The following DGKB variants were observed in gnomAD, a reference collection of about 807,000 sequenced individuals.
DGKB encodes the protein diacylglycerol kinase beta.
In DGKB, 67 loss-of-function variants were observed where a neutral mutation model predicts 114.3. That is an observed-to-expected ratio of 0.59 (90% CI 0.48 to 0.72). The LOEUF is 0.72. Ranked by LOEUF, DGKB falls within the 30% of genes least tolerant of loss-of-function variation. The probability of loss-of-function intolerance (pLI) is 0.00; values close to 1 mark genes in which losing one functional copy is unlikely to be tolerated. For synonymous variants in DGKB, 398 were observed against 323.1 expected (o/e 1.23, Z -2.49); for missense variants, 907 against 975.2 (o/e 0.93, Z 0.93).
chr7:14,171,653 T>C (rs1053916541), intron 25 of DGKB, among the ~76,000 whole-genome samples: 7 of 152,198 alleles, frequency 4.6e-5, no homozygotes, highest in African/African-American at 7.2e-5. Context: ...TTTGAGAATA[T>C]AATGAATAAA....
chr7:14,621,277 T>C, intron 15 of DGKB, 101 bp downstream of exon 15: 2 of 691,322 alleles, frequency 2.9e-6, no homozygotes, highest in East Asian at 2.8e-5. Flanking sequence ...TAAGCTAATA[T>C]GCAGATTAAA....
chr7:14,488,382 C>T (rs1174268587), intron 20 of DGKB, among the ~76,000 whole-genome samples: 1 of 152,130 alleles, frequency 6.6e-6, no homozygotes, highest in East Asian at 1.9e-4. Context: ...AATAAACTTA[C>T]TATACACTTA....
At chr7:14,333,048 A>G (rs1810005460) in intron 23 of DGKB, among the ~76,000 whole-genome samples, 1 of 152,200 alleles carries the variant, frequency 6.6e-6, no homozygotes, top group Admixed American at 6.5e-5. Context: ...AAAGCAGTCA[A>G]CAACTTCATT....
intron 23 of DGKB, among the ~76,000 whole-genome samples, chr7:14,312,214 AC>A (rs1021542692): frequency 2.6e-5 from 4 of 152,210 alleles, no homozygotes; most frequent in African/African-American, 9.6e-5. Context: ...CAGTATAGAG[AC>A]CTGAAACATT....
intron 21 of DGKB, among the ~76,000 whole-genome samples, chr7:14,407,505 A>G (rs1030572852): frequency 3.3e-5 from 5 of 151,996 alleles, no homozygotes; most frequent in Admixed American, 6.6e-5. Context: ...GATGGAGAAG[A>G]AGCTACCTGG....
At chr7:14,523,283 A>G (rs1044921619) in intron 20 of DGKB, among the ~76,000 whole-genome samples, 1 of 152,202 alleles carries the variant, frequency 6.6e-6, no homozygotes, top group African/African-American at 2.4e-5. Context: ...TGAAGAAGGC[A>G]TCATGGAGAC....
chr7:14,296,151 A>T (rs1229799181), intron 23 of DGKB, among the ~76,000 whole-genome samples: 2 of 150,330 alleles, frequency 1.3e-5, no homozygotes, highest in African/African-American at 4.9e-5. Flanking sequence ...CCTGCCTCAG[A>T]CTCCTGAGTA....
rs1251207032 is a variant in DGKB, at chr7:14,682,780, G to A, written c.891C>T (p.Thr297=). ...VARAPPSCIK[T]YVKSKRNTDV... ...CAGTGTTCCTTTTGGACTTCACATA[G>A]GTCTTGATGCAAGAGGGAGGTGCTC... The change falls in exon 11 of 26, where the codon ACC becomes ACT. Residue 297 remains threonine (T), a synonymous_variant. Coordinates refer to ENST00000402815, the MANE Select transcript of DGKB (RefSeq NM_001350709.2). 3 of 1,610,714 alleles carry A rather than the reference G, an allele frequency of 1.9e-6. No homozygotes were observed. Among genetic ancestry groups the A allele is most frequent in the Admixed American group, 1.7e-5 (1 of 59,284 alleles).
chr7:14,878,080 G>C lies in DGKB; in HGVS notation c.-188+24512C>G, dbSNP rs1262985365. Among the ~76,000 whole-genome samples, 3 of 147,302 alleles carry C rather than the reference G, an allele frequency of 2.0e-5. No individual in the cohort carries two copies. In the South Asian group the frequency reaches 6.3e-4, roughly 31 times the overall value. Reference sequence around the variant, plus strand: ...AAACAGAAAAAAAAAAAAGCCAACAGCATTTTATCAGTGAAATATGTACAT... The same window carrying C: ...AAACAGAAAAAAAAAAAAGCCAACACCATTTTATCAGTGAAATATGTACAT... On this transcript the variant is annotated intron_variant, in intron 1 of 25. Coordinates refer to ENST00000402815, the MANE Select transcript of DGKB (RefSeq NM_001350709.2).
intron 21 of DGKB, among the ~76,000 whole-genome samples, chr7:14,397,465 T>C (rs1397683719): frequency 6.6e-6 from 1 of 152,154 alleles, no homozygotes. Context: ...AGTGAGTTCT[T>C]TTCTTCTTTA....
intron 1 of DGKB, among the ~76,000 whole-genome samples, chr7:14,857,854 A>G (rs1341936054): frequency 6.6e-6 from 1 of 152,064 alleles, no homozygotes; most frequent in Admixed American, 6.6e-5. Context: ...CATATTTTAT[A>G]ATTTATTATA....
intron 9 of DGKB, among the ~76,000 whole-genome samples, chr7:14,691,743 A>T (rs1483784389): frequency 2.6e-5 from 4 of 151,876 alleles, no homozygotes; most frequent in African/African-American, 9.7e-5. Context: ...TTCTTTACAG[A>T]GATGGGGTGG....
chr7:14,918,202 T>G (rs1033287324), intron 1 of DGKB, among the ~76,000 whole-genome samples: 2 of 152,048 alleles, frequency 1.3e-5, no homozygotes, highest in African/African-American at 4.8e-5. Context: ...TAAAAACATG[T>G]CTCCTCTTAC....
chr7:14,464,155 T>C (rs1168962158), intron 21 of DGKB, among the ~76,000 whole-genome samples: 1 of 152,102 alleles, frequency 6.6e-6, no homozygotes, highest in Non-Finnish European at 1.5e-5. Context: ...TTGAAAATAA[T>C]TTTTATCATT....
intron 2 of DGKB, among the ~76,000 whole-genome samples, chr7:14,837,633 T>C (rs546091927): frequency 1.1e-4 from 16 of 152,320 alleles, no homozygotes; most frequent in Admixed American, 9.8e-4. Flanking sequence ...GAATGCATTG[T>C]ATCATTTTTC....
chr7:14,874,588 T>TAC (rs373162561), intron 1 of DGKB, among the ~76,000 whole-genome samples: 71 of 151,474 alleles, frequency 4.7e-4, no homozygotes, highest in African/African-American at 1.1e-3. Flanking sequence ...TAGAAGGATA[T>TAC]ACACACACAC....
chr7:14,853,137 C>T (rs1562722012), intron 1 of DGKB, among the ~76,000 whole-genome samples: 1 of 152,104 alleles, frequency 6.6e-6, no homozygotes, highest in Admixed American at 6.5e-5. Context: ...TAAGGAAAAT[C>T]ACTATTGAAG....
At chr7:14,773,413 G>T (rs193035395) in intron 2 of DGKB, among the ~76,000 whole-genome samples, 1 of 152,054 alleles carries the variant, frequency 6.6e-6, no homozygotes, top group Non-Finnish European at 1.5e-5. Flanking sequence ...GTTCGATTCA[G>T]ATAATGAAGG....
chr7:14,567,234 TTATATTATATATATTATATATTTA>T (rs1268950373), intron 20 of DGKB, among the ~76,000 whole-genome samples: 1 of 55,598 alleles, frequency 1.8e-5, no homozygotes, highest in African/African-American at 7.5e-5. Context: ...ATATATATAA[TTATATTATATATATTATATATTTA>T]TATATTATAT....
Sources: allele counts gnomAD v4.1 joint callset (sites outside exome capture counted in the v4.1 genomes callset), GRCh38; gene constraint gnomAD v4.1.1; transcripts MANE v1.5; gene names NCBI Gene and HGNC (gene_info 2026-07-23, HGNC 2026-07-21).